The following BTRC variants were observed in gnomAD, a reference collection of about 807,000 sequenced individuals.
The protein encoded by BTRC is F-box/WD repeat-containing protein 1A.
BTRC carries 42 observed loss-of-function variants against 85.5 expected under a neutral mutation model. The observed-to-expected ratio is 0.49, with a 90% CI of 0.38 to 0.64. The LOEUF is 0.64. Ranked by LOEUF, BTRC falls within the 30% of genes least tolerant of loss-of-function variation. BTRC has a pLI of 0.00. For synonymous variants in BTRC, 255 were observed against 263.3 expected, an observed-to-expected ratio of 0.97 and a Z score of 0.30; for missense variants, 594 against 743.5, an observed-to-expected ratio of 0.80 and a Z score of 2.34.
chr10:101,367,071 T>A (rs191880685), intron 1 of BTRC, among the ~76,000 whole-genome samples: 50 of 104,060 alleles, frequency 4.8e-4, no homozygotes, highest in South Asian at 7.5e-4. Flanking sequence ...TATAAATATA[T>A]ATATATATAT....
At chr10:101,481,839 A>T (rs1457402578) in intron 4 of BTRC, among the ~76,000 whole-genome samples, 1 of 152,108 alleles carries the variant, frequency 6.6e-6, no homozygotes, top group Non-Finnish European at 1.5e-5. Context: ...ATCATTTCCT[A>T]TTGGAACCCA....
intron 1 of BTRC, among the ~76,000 whole-genome samples, chr10:101,359,876 A>G (rs1034167071): frequency 6.6e-6 from 1 of 152,146 alleles, no homozygotes; most frequent in Non-Finnish European, 1.5e-5. Flanking sequence ...CTGAGATTAC[A>G]GGCGTGAGCT....
At chr10:101,377,953 T>A (rs532102600) in intron 1 of BTRC, among the ~76,000 whole-genome samples, 16 of 151,942 alleles carry the variant, frequency 1.1e-4, no homozygotes, top group Admixed American at 1.0e-3. Flanking sequence ...ATGACCAAAA[T>A]TTTTTTTATA....
At chr10:101,480,189 A>G (rs940698305) in intron 4 of BTRC, among the ~76,000 whole-genome samples, 1 of 152,216 alleles carries the variant, frequency 6.6e-6, no homozygotes, top group Non-Finnish European at 1.5e-5. Flanking sequence ...ATCTATTCAT[A>G]GATTTGCTAC....
Position 101,529,199 on chromosome 10 carries a change from T to C in BTRC, c.744-2038T>C, listed in dbSNP as rs555349270. On this transcript the variant is annotated intron_variant, in intron 6 of 14. Transcript: ENST00000370187. ...AAAGATCTTCCATCATAAAAGGTTT[T>C]GACTTAAAACATAAAGACAGAAGCC... Among the ~76,000 whole-genome samples the C allele has an allele frequency of 2.0e-5, 3 of 152,368 alleles. No homozygotes were observed. The East Asian group carries it at 5.8e-4, about 29-fold the overall frequency.
chr10:101,503,954 C>T (rs1946453942), intron 4 of BTRC, among the ~76,000 whole-genome samples: 1 of 152,124 alleles, frequency 6.6e-6, no homozygotes, highest in Non-Finnish European at 1.5e-5. Context: ...GTATTTTTCC[C>T]ATACACTTTT....
intron 5 of BTRC, among the ~76,000 whole-genome samples, chr10:101,522,367 C>CA (rs1163028567): frequency 2.7e-3 from 57 of 21,418 alleles, no homozygotes; most frequent in South Asian, 0.017. Flanking sequence ...AAAAAAAAAA[C>CA]AAAAAAAAAC....
At chr10:101,445,503 A>G (rs990700973) in intron 2 of BTRC, among the ~76,000 whole-genome samples, 4 of 152,224 alleles carry the variant, frequency 2.6e-5, no homozygotes, top group Non-Finnish European at 5.9e-5. Flanking sequence ...GCGCAGGGAC[A>G]TAGTGATTGG....
intron 2 of BTRC, among the ~76,000 whole-genome samples, chr10:101,446,099 C>T (rs986130874): frequency 7.5e-5 from 11 of 146,264 alleles, no homozygotes; most frequent in Admixed American, 2.1e-4. Context: ...ATTTTGTTCT[C>T]TTCCCCCCCC....
chr10:101,545,198 A>AT (rs1242350694), intron 13 of BTRC, among the ~76,000 whole-genome samples: 72 of 151,102 alleles, frequency 4.8e-4, no homozygotes, highest in African/African-American at 1.7e-3. Flanking sequence ...TGCTTTTAAG[A>AT]TTTTCTCTTT....
At chr10:101,512,249 A>T (rs1488298593) in intron 4 of BTRC, among the ~76,000 whole-genome samples, 1 of 152,176 alleles carries the variant, frequency 6.6e-6, no homozygotes, top group Non-Finnish European at 1.5e-5. Flanking sequence ...TTTTATTCTT[A>T]AATTAATTCA....
At chr10:101,518,938 G>C (rs554169583) in intron 4 of BTRC, among the ~76,000 whole-genome samples, 15 of 152,190 alleles carry the variant, frequency 9.9e-5, no homozygotes, top group Non-Finnish European at 1.8e-4. Context: ...AATTCTGTGT[G>C]TAGTTCTGAG....
Position 101,475,926 on chromosome 10 carries a change from T to TATATATAC in BTRC, c.235-3435_235-3434insCATATATA, listed in dbSNP as rs1209754430. Reference sequence around the variant, plus strand: ...CATAGTCTCCAAGTATTTTGCCATATATATATATATATATATATATATATA... The same window carrying TATATATAC: ...CATAGTCTCCAAGTATTTTGCCATATATATATACATATATATATATATATATATATATA... On this transcript the variant is annotated intron_variant, in intron 3 of 14. Transcript: ENST00000370187. 3.1e-5 allele frequency among the ~76,000 whole-genome samples: 3 copies of TATATATAC among 96,220 alleles called. No homozygotes were observed. The East Asian group carries it at 7.4e-4, about 24-fold the overall frequency. The allele number at this position is 96,220 out of a possible 152,430, so 63.1% of individuals were successfully genotyped here.
chr10:101,386,020 G>A (rs112203255), intron 1 of BTRC, among the ~76,000 whole-genome samples: 2 of 152,038 alleles, frequency 1.3e-5, no homozygotes, highest in African/African-American at 4.8e-5. Flanking sequence ...AGGAAAAATG[G>A]TACAGAGATG....
intron 1 of BTRC, among the ~76,000 whole-genome samples, chr10:101,406,042 A>G (rs541439008): frequency 1.8e-4 from 27 of 152,052 alleles, no homozygotes; most frequent in Non-Finnish European, 3.8e-4. Flanking sequence ...AACTATGTAG[A>G]TTTGTGTATT....
At chr10:101,526,388 A>T (rs2062191547) in intron 6 of BTRC, among the ~76,000 whole-genome samples, 189 bp downstream of exon 6, 1 of 152,248 alleles carries the variant, frequency 6.6e-6, no homozygotes, top group African/African-American at 2.4e-5. Flanking sequence ...CCTGTCACTC[A>T]CAAAATGACA....
intron 5 of BTRC, among the ~76,000 whole-genome samples, chr10:101,524,417 C>G (rs10509751): frequency 0.014 from 2,059 of 152,248 alleles, 43 homozygotes; most frequent in African/African-American, 0.048. Flanking sequence ...ATATTGATCC[C>G]TGGTTTGTAT....
intron 1 of BTRC, among the ~76,000 whole-genome samples, chr10:101,382,210 C>T (rs1288002759): frequency 4.0e-5 from 6 of 151,404 alleles, no homozygotes; most frequent in Middle Eastern, 3.4e-3. Context: ...CTCGAACTCC[C>T]GACCTCAGGT....
intron 1 of BTRC, among the ~76,000 whole-genome samples, chr10:101,408,102 A>G (rs961720036): frequency 6.6e-6 from 1 of 152,174 alleles, no homozygotes; most frequent in African/African-American, 2.4e-5. Context: ...TTAAAAATCA[A>G]TGGGTATTTT....
Sources: gnomAD v4.1 joint callset for allele counts (sites outside exome capture counted in the v4.1 genomes callset) on GRCh38, gnomAD v4.1.1 for gene constraint, MANE v1.5 for transcripts, NCBI Gene and HGNC (gene_info 2026-07-23, HGNC 2026-07-21) for gene names.